EYA2: variants seen among roughly 807,000 people sequenced by gnomAD.
EYA2 encodes the protein EYA transcriptional coactivator and phosphatase 2, also known as protein phosphatase EYA2.
EYA2 carries 31 observed loss-of-function variants against 69.2 expected under a neutral mutation model. The observed-to-expected ratio is 0.45, with a 90% CI of 0.34 to 0.60. The LOEUF (loss-of-function observed/expected upper bound fraction) is 0.60, where lower values mean the gene tolerates loss of function less well. EYA2 is among the 20% of genes least tolerant of loss of function. EYA2 has a pLI of 0.02. For synonymous variants in EYA2, 257 were observed against 279.4 expected, an observed-to-expected ratio of 0.92 and a Z score of 0.80; for missense variants, 622 against 701.2, an observed-to-expected ratio of 0.89 and a Z score of 1.28.
chr20:46,988,071 G>A (rs966740918), intron 1 of EYA2, among the ~76,000 whole-genome samples: 2 of 147,440 alleles, frequency 1.4e-5, no homozygotes, highest in Non-Finnish European at 3.0e-5. Flanking sequence ...TTTACATAGT[G>A]TTTACATTGC....
intron 2 of EYA2, among the ~76,000 whole-genome samples, chr20:46,997,206 T>C (rs1187914352): frequency 6.6e-6 from 1 of 152,070 alleles, no homozygotes; most frequent in Non-Finnish European, 1.5e-5. Context: ...GAGAACTCAC[T>C]AACGTGAGAA....
intron 5 of EYA2, among the ~76,000 whole-genome samples, chr20:47,045,077 C>A (rs948192525): frequency 2.0e-5 from 3 of 152,200 alleles, no homozygotes; most frequent in African/African-American, 7.2e-5. Context: ...CCCCAAAATG[C>A]AGTGGCTTAA....
chr20:46,905,217 CAT>C (rs1984296796), intron 1 of EYA2, among the ~76,000 whole-genome samples: 1 of 151,914 alleles, frequency 6.6e-6, no homozygotes, highest in Non-Finnish European at 1.5e-5. Context: ...ACATGATATA[CAT>C]GTGTCCATTT....
At chr20:47,154,984 C>T (rs898685512) in intron 10 of EYA2, among the ~76,000 whole-genome samples, 3 of 151,364 alleles carry the variant, frequency 2.0e-5, no homozygotes, top group Non-Finnish European at 4.4e-5. Flanking sequence ...TAGTTGGGAC[C>T]ACCAGCTGAT....
At chr20:47,064,220 G>A (rs1369419089) in intron 5 of EYA2, among the ~76,000 whole-genome samples, 1 of 152,190 alleles carries the variant, frequency 6.6e-6, no homozygotes, top group Non-Finnish European at 1.5e-5. Flanking sequence ...GCCTCCCAAA[G>A]TGCTGGGATT....
At chr20:46,901,793 C>T (rs981844552) in intron 1 of EYA2, 2 of 152,144 alleles carry the variant, frequency 1.3e-5, no homozygotes, top group African/African-American at 2.4e-5. Flanking sequence ...GAAGGTGTCA[C>T]GTGGTATAAC....
intron 1 of EYA2, among the ~76,000 whole-genome samples, chr20:46,944,957 AG>A (rs1052045604): frequency 5.3e-5 from 8 of 152,124 alleles, no homozygotes; most frequent in African/African-American, 1.9e-4. Context: ...TACAAAAATT[AG>A]CCAGGCGCGG....
intron 5 of EYA2, among the ~76,000 whole-genome samples, chr20:47,060,304 C>T (rs1287924572): frequency 6.6e-6 from 1 of 152,218 alleles, no homozygotes; most frequent in Non-Finnish European, 1.5e-5. Flanking sequence ...TTATCCTTCT[C>T]CCATTTTGGC....
At chr20:46,956,016 G>A (rs1416450807) in intron 1 of EYA2, among the ~76,000 whole-genome samples, 1 of 152,206 alleles carries the variant, frequency 6.6e-6, no homozygotes, top group African/African-American at 2.4e-5. Context: ...AAATCAGGAA[G>A]TGCACCAGAT....
intron 9 of EYA2, among the ~76,000 whole-genome samples, chr20:47,123,756 C>T (rs990846054): frequency 6.6e-6 from 1 of 152,032 alleles, no homozygotes; most frequent in Admixed American, 6.6e-5. Context: ...TTTGGGAGGC[C>T]GAGGCAGGCA....
intron 7 of EYA2, among the ~76,000 whole-genome samples, chr20:47,085,329 C>T (rs1018753643): frequency 6.6e-6 from 1 of 151,934 alleles, no homozygotes; most frequent in East Asian, 1.9e-4. Context: ...TGTATCCATA[C>T]AATTGAATAG....
At position 47,089,362 on chromosome 20, in the gene EYA2, C is replaced by T. The variant is rs756756671; in HGVS notation, c.785C>T (p.Ala262Val). ...AAGAGGAGCAGTGACCCGTCCCCGG[C>T]AGGGGACAATGAGATTGAGGTAATC... ...RSKRSSDPSP[A>V]GDNEIERVFV... is the part of the protein sequence containing the mutation. The change falls in exon 8 of 16, where the codon GCA becomes GTA. Residue 262 changes from alanine (A) to valine (V), a missense_variant. By Grantham distance (64) the Ala-to-Val change is moderately conservative (BLOSUM62 0). Coordinates refer to ENST00000327619, the MANE Select transcript of EYA2 (RefSeq NM_005244.5). 9.9e-6 allele frequency: 16 copies of T among 1,613,892 alleles called. No homozygotes were observed. The highest frequency in any genetic ancestry group is 4.5e-5 in the East Asian group (2 of 44,876).
At chr20:46,947,928 G>A (rs996518935) in intron 1 of EYA2, among the ~76,000 whole-genome samples, 1 of 151,902 alleles carries the variant, frequency 6.6e-6, no homozygotes, top group Non-Finnish European at 1.5e-5. Context: ...ACCAGCTTAG[G>A]CAACATAGTG....
At chr20:46,949,231 A>T (rs183667247) in intron 1 of EYA2, among the ~76,000 whole-genome samples, 2 of 152,368 alleles carry the variant, frequency 1.3e-5, no homozygotes, top group African/African-American at 4.8e-5. Flanking sequence ...AAGTCCTCTT[A>T]GAAAGACACT....
intron 10 of EYA2, among the ~76,000 whole-genome samples, chr20:47,154,255 G>A (rs1401304620): frequency 6.6e-6 from 1 of 151,954 alleles, no homozygotes; most frequent in Non-Finnish European, 1.5e-5. Context: ...CAGCTGTCTG[G>A]TGTCTCCTCT....
At chr20:47,060,430 GA>G (rs2030825697) in intron 5 of EYA2, among the ~76,000 whole-genome samples, 1 of 152,100 alleles carries the variant, frequency 6.6e-6, no homozygotes, top group African/African-American at 2.4e-5. Context: ...TGAAACAAAA[GA>G]ATAGTCTTTC....
chr20:47,030,126 G>A (rs1410926729), intron 5 of EYA2, among the ~76,000 whole-genome samples: 2 of 152,204 alleles, frequency 1.3e-5, no homozygotes, highest in Non-Finnish European at 2.9e-5. Flanking sequence ...GCTGAGCTCT[G>A]TGTTCTAGGG....
intron 5 of EYA2, 57 bp from the exon 6 acceptor site, chr20:47,072,128 T>C: frequency 6.6e-7 from 1 of 1,519,362 alleles, no homozygotes; most frequent in Non-Finnish European, 9.1e-7. Flanking sequence ...AACAACTGCT[T>C]TAAAGAGAAA....
intron 9 of EYA2, among the ~76,000 whole-genome samples, chr20:47,123,674 A>C (rs2033107618): frequency 6.6e-6 from 1 of 152,210 alleles, no homozygotes; most frequent in African/African-American, 2.4e-5. Context: ...AACATTAGGC[A>C]TCAAGAATAA....
Sources: gnomAD v4.1 joint callset for allele counts (sites outside exome capture counted in the v4.1 genomes callset) on GRCh38, gnomAD v4.1.1 for gene constraint, MANE v1.5 for transcripts, NCBI Gene and HGNC (gene_info 2026-07-23, HGNC 2026-07-21) for gene names.